Variants in DRAXIN observed in about 807,000 individuals in gnomAD.
The protein encoded by DRAXIN is dorsal inhibitory axon guidance protein.
In DRAXIN, 27 loss-of-function variants were observed where a neutral mutation model predicts 33.9. The ratio of observed to expected loss-of-function variants is 0.80; its 90% confidence interval spans 0.59 to 1.10. The LOEUF (loss-of-function observed/expected upper bound fraction) is 1.10. DRAXIN is among the 50% of genes least tolerant of loss of function. DRAXIN has a pLI of 0.00. For synonymous variants in DRAXIN, 178 were observed against 194.0 expected (o/e 0.92, Z 0.69); for missense variants, 371 against 460.8 (o/e 0.81, Z 1.78).
rs1220039039 is a variant in DRAXIN, at chr1:11,702,384, C to T, written c.-10-3865C>T. 4.6e-5 allele frequency among the ~76,000 whole-genome samples: 7 copies of T among 150,556 alleles called. No individual in the cohort carries two copies. In the East Asian group the frequency reaches 5.9e-4, roughly 13 times the overall value. On this transcript the variant is annotated intron_variant, in intron 1 of 6. Coordinates refer to ENST00000294485, the MANE Select transcript of DRAXIN (RefSeq NM_198545.4). The stretch of plus-strand genomic sequence containing the variant: ...ACACACCTACACACCCACACATTCA[C>T]GCTTACACATCATCACACACACGCT...
rs956573166 is a variant in DRAXIN at position 11,692,593 on chromosome 1, C to T, written c.-11+740C>T. On this transcript the variant is annotated intron_variant, in intron 1 of 6. Coordinates refer to ENST00000294485, the MANE Select transcript of DRAXIN (RefSeq NM_198545.4). This position sits in a 1 kb window ranked among gnomAD's most constrained non-coding sequence, Gnocchi z 5.8. ...CAAGGGTCTCAGCCGCCTTCGGGGC[C>T]GGGGTATGAGATGAGAGAGGGCTGG... Among the ~76,000 whole-genome samples, 1 of 152,172 alleles carries T rather than the reference C, an allele frequency of 6.6e-6. No individual in the cohort carries two copies. Among genetic ancestry groups the T allele is most frequent in the Non-Finnish European group, 1.5e-5 (1 of 68,036 alleles).
chr1:11,716,553 A>G (rs1641580502), intron 6 of DRAXIN, among the ~76,000 whole-genome samples: 1 of 152,236 alleles, frequency 6.6e-6, no homozygotes, highest in Non-Finnish European at 1.5e-5. Flanking sequence ...AGCCTCAGAG[A>G]GTTATCTACC....
upstream of DRAXIN, chr1:11,691,567 C>A (rs183507097): frequency 0.017 from 2,596 of 151,672 alleles, 49 homozygotes; most frequent in East Asian, 0.082. Flanking sequence ...GGCGAGGGCG[C>A]GCTGGCCGGG....
At chr1:11,688,454 A>G (rs1363503705), upstream of DRAXIN, among the ~76,000 whole-genome samples, 1 of 152,106 alleles carries the variant, frequency 6.6e-6, no homozygotes, top group African/African-American at 2.4e-5. The surrounding 1 kb of genome is among the most constrained non-coding windows in gnomAD (Gnocchi z 4.6). Context: ...ACAGCTACTC[A>G]GGAAGCTGAG....
At position 11,694,433 on chromosome 1, in the gene DRAXIN, G is replaced by A. The variant is rs1039381863; in HGVS notation, c.-11+2580G>A. On this transcript the variant is annotated intron_variant, in intron 1 of 6. Transcript: ENST00000294485. This position sits in a 1 kb window ranked among gnomAD's most constrained non-coding sequence, Gnocchi z 4.9. ...GGCCCTGTATCACTCTGGAAAATGA[G>A]GGTGGTCTCTGTGCCTGTTATAGGG... is the stretch of plus-strand genomic sequence containing the variant. 1.3e-5 allele frequency among the ~76,000 whole-genome samples: 2 copies of A among 152,046 alleles called. No individual in the cohort carries two copies. Among genetic ancestry groups the A allele is most frequent in the Admixed American group, 6.6e-5 (1 of 15,248 alleles).
upstream of DRAXIN, among the ~76,000 whole-genome samples, chr1:11,687,784 G>A (rs892248144): frequency 2.6e-5 from 4 of 152,272 alleles, no homozygotes; most frequent in South Asian, 2.1e-4. This position sits in a 1 kb window ranked among gnomAD's most constrained non-coding sequence, Gnocchi z 4.1. Context: ...CATCCAGGTC[G>A]AATCACATAT....
Position 11,704,467 on chromosome 1 carries a change from C to T in DRAXIN, c.-10-1782C>T, listed in dbSNP as rs180675903. 3.1e-4 allele frequency among the ~76,000 whole-genome samples: 47 copies of T among 152,348 alleles called. No individual in the cohort carries two copies. In the South Asian group the frequency reaches 3.9e-3, roughly 13 times the overall value. Reference sequence around the variant, plus strand: ...TGACAGGCCTTTAAAATGGGCCCCTCCTCCCCCTGGGCTGCCTCAGGAACC... The same window carrying T: ...TGACAGGCCTTTAAAATGGGCCCCTTCTCCCCCTGGGCTGCCTCAGGAACC... On this transcript the variant is annotated intron_variant, in intron 1 of 6. Coordinates refer to ENST00000294485, the MANE Select transcript of DRAXIN (RefSeq NM_198545.4). This position sits in a 1 kb window ranked among gnomAD's most constrained non-coding sequence, Gnocchi z 4.6.
intron 1 of DRAXIN, among the ~76,000 whole-genome samples, chr1:11,697,633 C>A (rs532780350): frequency 1.3e-5 from 2 of 152,206 alleles, no homozygotes; most frequent in African/African-American, 2.4e-5. Context: ...GAAGCCAGGT[C>A]TCTCCCTTCA....
chr1:11,687,218 A>G (rs1319926221), upstream of DRAXIN, among the ~76,000 whole-genome samples: 2 of 152,122 alleles, frequency 1.3e-5, no homozygotes, highest in Non-Finnish European at 2.9e-5. This position sits in a 1 kb window ranked among gnomAD's most constrained non-coding sequence, Gnocchi z 4.1. Context: ...GGTGTGCACC[A>G]TCACACCCAG....
intron 1 of DRAXIN, among the ~76,000 whole-genome samples, chr1:11,700,257 T>G (rs2100732248): frequency 6.6e-6 from 1 of 152,192 alleles, no homozygotes; most frequent in African/African-American, 2.4e-5. Context: ...ATAAATAAAG[T>G]AAACCAATGA....
chr1:11,718,884 A>ATTTGTTTGTTTGTTTG (rs373195409), intron 6 of DRAXIN, among the ~76,000 whole-genome samples: 32 of 151,670 alleles, frequency 2.1e-4, no homozygotes, highest in African/African-American at 7.3e-4. Flanking sequence ...CATGTGGTAG[A>ATTTGTTTGTTTGTTTG]TTTGTTTGTT....
In DRAXIN at chr1:11,705,518, G is replaced by T. The variant is rs895811887; in HGVS notation, c.-10-731G>T. On this transcript the variant is annotated intron_variant, in intron 1 of 6. Transcript: ENST00000294485. The surrounding 1 kb of genome is among the most constrained non-coding windows in gnomAD (Gnocchi z 4.8). ...AGGGACAGTGTCAGAACATTCTGGG[G>T]CCTCAGAGCTCATCATGAGAGGAGA... Among the ~76,000 whole-genome samples the T allele has an allele frequency of 1.3e-5, 2 of 152,086 alleles. No homozygotes were observed. Among genetic ancestry groups the T allele is most frequent in the Admixed American group, 1.3e-4 (2 of 15,286 alleles).
intron 3 of DRAXIN, among the ~76,000 whole-genome samples, chr1:11,710,919 C>A (rs1329792454): frequency 3.2e-4 from 5 of 15,418 alleles, no homozygotes; most frequent in African/African-American, 1.3e-3. Context: ...GAGACTCCAT[C>A]TCAAAAAAAA....
In DRAXIN at chr1:11,692,276, G is replaced by A. The variant is rs1011743592; in HGVS notation, c.-11+423G>A. On this transcript the variant is annotated intron_variant, in intron 1 of 6. Transcript: ENST00000294485. The surrounding 1 kb of genome is among the most constrained non-coding windows in gnomAD (Gnocchi z 5.8). Reference sequence around the variant, plus strand: ...CTCCGGGTGGTCTCTCAGGCAGGGGGCCCCAGTCCGCCACCGTTGGAAGAA... The same window carrying A: ...CTCCGGGTGGTCTCTCAGGCAGGGGACCCCAGTCCGCCACCGTTGGAAGAA... 5.3e-5 allele frequency among the ~76,000 whole-genome samples: 8 copies of A among 152,140 alleles called. No individual in the cohort carries two copies. Among genetic ancestry groups the A allele is most frequent in the Non-Finnish European group, 8.8e-5 (6 of 68,020 alleles).
chr1:11,707,346 C>A (rs903081800), intron 2 of DRAXIN, among the ~76,000 whole-genome samples: 1 of 152,210 alleles, frequency 6.6e-6, no homozygotes, highest in African/African-American at 2.4e-5. Context: ...ATTTCTTACT[C>A]GACTCTGACG....
At chr1:11,689,900 A>C (rs6658345), upstream of DRAXIN, among the ~76,000 whole-genome samples, 59,241 of 151,316 alleles carry the variant, frequency 0.39, 13,609 homozygotes, top group African/African-American at 0.66. Flanking sequence ...TCTGTTCCAG[A>C]CTGACTCTTC....
intron 6 of DRAXIN, 65 bp downstream of exon 6, chr1:11,715,273 G>T (rs561724475): frequency 6.3e-7 from 1 of 1,598,558 alleles, no homozygotes; most frequent in South Asian, 1.1e-5. Flanking sequence ...TCCCTTTCTC[G>T]AAGCGGCTTC....
upstream of DRAXIN, chr1:11,691,603 T>C (rs1641069151): frequency 6.6e-6 from 1 of 150,716 alleles, no homozygotes; most frequent in East Asian, 2.0e-4. Flanking sequence ...GCCCCGGGGC[T>C]GCCCCTCGGC....
intron 3 of DRAXIN, among the ~76,000 whole-genome samples, chr1:11,710,550 C>A (rs528667478): frequency 6.6e-6 from 1 of 151,594 alleles, no homozygotes; most frequent in Non-Finnish European, 1.5e-5. Context: ...AAAAACACTA[C>A]CCACTGGTGA....
Sources: gnomAD v4.1 joint callset for allele counts (sites outside exome capture counted in the v4.1 genomes callset) on GRCh38, gnomAD v4.1.1 for gene constraint, Gnocchi (gnomAD v3.1) non-coding constraint, MANE v1.5 for transcripts, NCBI Gene and HGNC (gene_info 2026-07-23, HGNC 2026-07-21) for gene names.